Variants in SHISA9 observed in about 807,000 individuals in gnomAD.
SHISA9 encodes the protein protein shisa-9.
In SHISA9, 13 loss-of-function variants were observed where a neutral mutation model predicts 38.0. The observed-to-expected ratio is 0.34, with a 90% CI of 0.22 to 0.54. The LOEUF (loss-of-function observed/expected upper bound fraction) is 0.54, where lower values mean the gene tolerates loss of function less well. SHISA9 is among the 20% of genes least tolerant of loss of function. The probability of loss-of-function intolerance (pLI) is 0.91; values close to 1 mark genes in which losing one functional copy is unlikely to be tolerated. For missense variants in SHISA9, 538 were observed against 575.8 expected (o/e 0.93, Z 0.67); for synonymous variants, 275 against 242.0 (o/e 1.14, Z -1.27).
the SHISA9 span, among the ~76,000 whole-genome samples, chr16:13,351,181 C>A: frequency 6.6e-6 from 1 of 152,140 alleles, no homozygotes; most frequent in African/African-American, 2.4e-5. Context: ...AGACTCAAAC[C>A]CAAATCCCTG....
the SHISA9 span, among the ~76,000 whole-genome samples, chr16:13,491,817 CCTTTTTTTTTT>C: frequency 1.1e-3 from 51 of 46,908 alleles, 3 homozygotes; most frequent in East Asian, 2.2e-3. Context: ...TATTTATTGA[CCTTTTTTTTTT>C]TTTTTTTTTT....
chr16:13,523,883 A>C, the SHISA9 span, among the ~76,000 whole-genome samples: 1 of 152,298 alleles, frequency 6.6e-6, no homozygotes, highest in Admixed American at 6.5e-5. Context: ...TGGCTCTTGG[A>C]CTGTTTTAGG....
the SHISA9 span, among the ~76,000 whole-genome samples, chr16:13,273,442 C>T: frequency 6.6e-6 from 1 of 152,118 alleles, no homozygotes; most frequent in South Asian, 2.1e-4. Context: ...GAATAAGTCT[C>T]ATGAGATCTG....
chr16:12,922,717 AC>A (rs1246464818), intron 2 of SHISA9, among the ~76,000 whole-genome samples: 1 of 152,148 alleles, frequency 6.6e-6, no homozygotes, highest in African/African-American at 2.4e-5. Flanking sequence ...ATGGAATGTC[AC>A]CATGTTGGCC....
intron 2 of SHISA9, among the ~76,000 whole-genome samples, chr16:13,008,660 TCCCTTC>T (rs2072630357): frequency 4.3e-5 from 1 of 23,156 alleles, no homozygotes; most frequent in Non-Finnish European, 7.7e-5. Context: ...CCTCCCTCCC[TCCCTTC>T]CTCCCTCCCT....
chr16:12,917,064 C>T (rs1011439320), intron 2 of SHISA9, among the ~76,000 whole-genome samples: 5 of 152,102 alleles, frequency 3.3e-5, no homozygotes, highest in Admixed American at 6.6e-5. Context: ...GCAGACTGCT[C>T]GACTGGTTCA....
chr16:13,434,096 A>G, the SHISA9 span, among the ~76,000 whole-genome samples: 5 of 152,202 alleles, frequency 3.3e-5, no homozygotes, highest in African/African-American at 1.2e-4. Context: ...TCTAAGATCC[A>G]AGAGTCCCAA....
chr16:12,924,493 A>G (rs2071369506), intron 2 of SHISA9, among the ~76,000 whole-genome samples: 2 of 152,230 alleles, frequency 1.3e-5, no homozygotes, highest in South Asian at 4.1e-4. Context: ...ACAGCCACCA[A>G]CATTCTTATT....
intron 4 of SHISA9, among the ~76,000 whole-genome samples, chr16:13,229,459 C>T (rs16961449): frequency 0.17 from 25,960 of 152,084 alleles, 2,503 homozygotes; most frequent in Admixed American, 0.3. Flanking sequence ...AAAAAACACC[C>T]CTATGTGCTG....
intron 2 of SHISA9, among the ~76,000 whole-genome samples, chr16:13,031,714 G>A (rs2072993411): frequency 6.6e-6 from 1 of 152,180 alleles, no homozygotes; most frequent in Admixed American, 6.5e-5. Context: ...ACGAGGTTAA[G>A]GCTAGGCTCA....
At chr16:13,394,218 A>G in the SHISA9 span, among the ~76,000 whole-genome samples, 1 of 152,228 alleles carries the variant, frequency 6.6e-6, no homozygotes, top group Non-Finnish European at 1.5e-5. Flanking sequence ...CCCAATGCCC[A>G]GCCTGGATTC....
the SHISA9 span, among the ~76,000 whole-genome samples, chr16:13,322,088 CTTT>C: frequency 6.6e-6 from 1 of 152,212 alleles, no homozygotes; most frequent in African/African-American, 2.4e-5. Context: ...CTATTCTCTT[CTTT>C]AATTCTCATA....
In SHISA9 at chr16:12,901,975, A is replaced by G. The variant is rs2071021736; in HGVS notation, c.-90A>G. Reference sequence around the variant, plus strand: ...CCCGCGGCGGCTCGCAGCTCCCGGCAGCAGCCTCGGCAGCTTCGGCCGCGC... The same window carrying G: ...CCCGCGGCGGCTCGCAGCTCCCGGCGGCAGCCTCGGCAGCTTCGGCCGCGC... On this transcript the variant is annotated 5_prime_UTR_variant, in exon 1 of 5. Coordinates refer to ENST00000558583, the MANE Select transcript of SHISA9 (RefSeq NM_001145204.3). 1 of 1,147,260 alleles carries G rather than the reference A, an allele frequency of 8.7e-7. No homozygotes were observed. The highest frequency in any genetic ancestry group is 1.1e-6 in the Non-Finnish European group (1 of 893,172). The allele number at this position is 1,147,260 out of a possible 1,614,324, so 71.1% of individuals were successfully genotyped here. A position where few individuals can be genotyped will look rare whatever the true frequency, so the allele number is the denominator to read the frequency against.
At chr16:13,140,710 AG>A (rs1333017172) in intron 2 of SHISA9, among the ~76,000 whole-genome samples, 1 of 152,246 alleles carries the variant, frequency 6.6e-6, no homozygotes, top group Non-Finnish European at 1.5e-5. Flanking sequence ...TACTGTGACA[AG>A]TGCAATGATA....
the SHISA9 span, chr16:13,458,445 G>C: frequency 2.6e-6 from 1 of 387,290 alleles, no homozygotes; most frequent in South Asian, 2.1e-5. Flanking sequence ...TTCAGTCTCA[G>C]ATAAAGCGGA....
At chr16:13,398,068 T>C in the SHISA9 span, among the ~76,000 whole-genome samples, 203 of 152,262 alleles carry the variant, frequency 1.3e-3, no homozygotes, top group African/African-American at 4.6e-3. Context: ...GTGGCATCTG[T>C]CGGTGTGCTC....
intron 2 of SHISA9, among the ~76,000 whole-genome samples, chr16:13,197,304 T>C (rs943424864): frequency 3.3e-5 from 5 of 152,094 alleles, no homozygotes; most frequent in Non-Finnish European, 5.9e-5. Flanking sequence ...AAGGAGTCAT[T>C]ATGTTGTCTT....
At chr16:13,434,923 T>C in the SHISA9 span, among the ~76,000 whole-genome samples, 1 of 152,232 alleles carries the variant, frequency 6.6e-6, no homozygotes, top group Non-Finnish European at 1.5e-5. Context: ...AGAAAGAGAT[T>C]GGTGCTTTTC....
At chr16:13,293,961 G>C in the SHISA9 span, among the ~76,000 whole-genome samples, 1 of 152,196 alleles carries the variant, frequency 6.6e-6, no homozygotes, top group African/African-American at 2.4e-5. Flanking sequence ...TGTGCGAAGG[G>C]TTGGGGTACC....
Sources: gnomAD v4.1 joint callset for allele counts (sites outside exome capture counted in the v4.1 genomes callset) on GRCh38, gnomAD v4.1.1 for gene constraint, MANE v1.5 for transcripts, NCBI Gene and HGNC (gene_info 2026-07-23, HGNC 2026-07-21) for gene names.